The following DLC1 variants were observed in gnomAD, a reference collection of about 807,000 sequenced individuals.
DLC1 encodes the protein DLC1 Rho GTPase activating protein.
A neutral mutation model predicts 140.3 loss-of-function variants in DLC1; 54 were observed. The observed-to-expected ratio is 0.38, with a 90% confidence interval of 0.31 to 0.48. The LOEUF is 0.48. Among genes scored for constraint, DLC1 ranks in the 20% least tolerant of loss-of-function variants. The probability of loss-of-function intolerance (pLI) is 0.96; values close to 1 mark genes in which losing one functional copy is unlikely to be tolerated. For synonymous variants in DLC1, 986 were observed against 728.1 expected (o/e 1.35, Z -5.70); for missense variants, 2,536 against 1,907.0 (o/e 1.33, Z -6.14).
At chr8:13,385,239 C>G (rs1354952113) in intron 4 of DLC1, among the ~76,000 whole-genome samples, 1 of 151,988 alleles carries the variant, frequency 6.6e-6, no homozygotes, top group Non-Finnish European at 1.5e-5. Context: ...ATAGGACCTT[C>G]AAAATGAATA....
rs985999029 is a variant in DLC1, at chr8:13,258,312, T to C, written c.1348+46957A>G. Among the ~76,000 whole-genome samples, 22 of 152,334 alleles carry C rather than the reference T, an allele frequency of 1.4e-4. 2 individuals are homozygous for C. Among genetic ancestry groups the C allele is most frequent in the Admixed American group, 1.2e-3 (19 of 15,300 alleles). On this transcript the variant is annotated intron_variant, in intron 5 of 17. Transcript: ENST00000276297. ...CTTTACTCTGAATCTCTTGAAGTAA[T>C]AGATCAACAGAATACAGAGAAGTAC...
intron 5 of DLC1, among the ~76,000 whole-genome samples, chr8:13,205,382 A>G (rs760590788): frequency 3.3e-5 from 5 of 152,208 alleles, no homozygotes; most frequent in African/African-American, 9.6e-5. Context: ...GCTGATTCCT[A>G]CTTCATTCCA....
At chr8:13,514,441 C>T (rs1478646422) in intron 1 of DLC1, among the ~76,000 whole-genome samples, 161 bp downstream of exon 1, 1 of 152,180 alleles carries the variant, frequency 6.6e-6, no homozygotes, top group Non-Finnish European at 1.5e-5. Flanking sequence ...CGAATTGACT[C>T]AGAATTTTCT....
intron 1 of DLC1, chr8:13,566,786 G>A: frequency 3.0e-6 from 2 of 657,494 alleles, no homozygotes; most frequent in Non-Finnish European, 4.8e-6. Context: ...GAGCGCGGAG[G>A]AAAAGGCGGG....
intron 2 of DLC1, among the ~76,000 whole-genome samples, chr8:13,446,894 A>C (rs1013616931): frequency 6.6e-6 from 1 of 151,928 alleles, no homozygotes; most frequent in Admixed American, 6.6e-5. Flanking sequence ...GTGAGCTGAG[A>C]TCGCGCCATT....
chr8:13,443,931 A>G (rs912171007), intron 2 of DLC1, among the ~76,000 whole-genome samples: 3 of 152,212 alleles, frequency 2.0e-5, no homozygotes, highest in Non-Finnish European at 4.4e-5. Flanking sequence ...TTATTTAGGT[A>G]CACAGTTAGC....
chr8:13,344,788 AGAAT>A, intron 4 of DLC1, among the ~76,000 whole-genome samples: 1 of 152,232 alleles, frequency 6.6e-6, no homozygotes, highest in Non-Finnish European at 1.5e-5. Context: ...CTTGTGGCTC[AGAAT>A]GAAAGGAAAG....
chr8:13,393,440 C>G, intron 4 of DLC1, 113 bp downstream of exon 4: 1 of 1,199,682 alleles, frequency 8.3e-7, no homozygotes, highest in Non-Finnish European at 1.1e-6. Context: ...ATCATTAAGT[C>G]ACTATGGCTA....
intron 2 of DLC1, among the ~76,000 whole-genome samples, chr8:13,422,803 A>G (rs1221688874): frequency 2.0e-5 from 3 of 152,164 alleles, no homozygotes; most frequent in Admixed American, 6.5e-5. Context: ...CCAGCTAAAA[A>G]AAAAAAGGAA....
chr8:13,590,060 TGC>T (rs1805465242), intron 1 of DLC1, among the ~76,000 whole-genome samples: 2 of 142,200 alleles, frequency 1.4e-5, no homozygotes, highest in African/African-American at 5.2e-5. Context: ...AAACTCAACA[TGC>T]ATATATATAT....
In DLC1 at chr8:13,537,934, G is replaced by T. The variant is rs548277859; in HGVS notation, c.-125-37738C>A. ...CTCCCAAAGTTCTGGGATTACAGGC[G>T]TGAGCCACCGCACCCGGCCAGCAAC... On this transcript the variant is annotated intron_variant, in intron 1 of 1. Coordinates refer to the DLC1 transcript ENST00000631382. Among the ~76,000 whole-genome samples, 3 of 152,142 alleles carry T rather than the reference G, an allele frequency of 2.0e-5. No homozygotes were observed. In the South Asian group the frequency reaches 6.2e-4, roughly 32 times the overall value.
chr8:13,291,678 A>T (rs1437879170), intron 5 of DLC1, among the ~76,000 whole-genome samples: 1 of 152,222 alleles, frequency 6.6e-6, no homozygotes, highest in Non-Finnish European at 1.5e-5. Context: ...CATAGACAGT[A>T]ATAAATATAA....
At chr8:13,219,659 A>T (rs1211502839) in intron 5 of DLC1, among the ~76,000 whole-genome samples, 1 of 151,922 alleles carries the variant, frequency 6.6e-6, no homozygotes, top group African/African-American at 2.4e-5. Flanking sequence ...CTATATATCT[A>T]TATCTATATC....
Position 13,098,524 on chromosome 8 carries a change from G to T in DLC1, c.3042C>A (p.Asn1014Lys). ...GGCAGTTAATCTGTAGTGATACAGA[G>T]TTGAGGCTTGGCCGATGTGAGCTCT... The part of the protein sequence containing the change: ...SFQSSHRPSL[N>K]SVSLQINCQS... The change falls in exon 10 of 18, where the codon AAC (asparagine) becomes AAA (lysine). Residue 1014 changes from asparagine (N) to lysine (K), a missense_variant. Coordinates refer to ENST00000276297, the MANE Select transcript of DLC1 (RefSeq NM_182643.3). 1 of 1,614,174 alleles carries T rather than the reference G, an allele frequency of 6.2e-7. No individual in the cohort carries two copies. The highest frequency in any genetic ancestry group is 1.1e-5 in the South Asian group (1 of 91,080).
At chr8:13,552,011 A>ATG (rs1294858860) in intron 1 of DLC1, among the ~76,000 whole-genome samples, 1 of 141,270 alleles carries the variant, frequency 7.1e-6, no homozygotes, top group African/African-American at 2.6e-5. Flanking sequence ...GTGCATATAT[A>ATG]TGTGTGTGTA....
chr8:13,133,225 C>T lies in DLC1; in HGVS notation c.1349-17568G>A, dbSNP rs17553593. The T allele has an allele frequency of 5.0e-6, 7 of 1,412,326 alleles. No individual in the cohort carries two copies. The African/African-American group carries it at 8.9e-5, about 18-fold the overall frequency. 87.5% of individuals were successfully genotyped at this position (1,412,326 alleles called of 1,614,324 possible). A position where few individuals can be genotyped will look rare whatever the true frequency, so the allele number is the denominator to read the frequency against. ...AGTCCGTGAGCCGGCGCTCCTGATG[C>T]GGAGAGGTGCGGCCATGTCCTGGCT... is the stretch of plus-strand genomic sequence containing the variant. On this transcript the variant is annotated intron_variant, in intron 5 of 17. Coordinates refer to ENST00000276297, the MANE Select transcript of DLC1 (RefSeq NM_182643.3).
chr8:13,353,540 A>C (rs1834775861), intron 4 of DLC1: 2 of 152,166 alleles, frequency 1.3e-5, no homozygotes, highest in African/African-American at 4.8e-5. Flanking sequence ...TATCTGTAAA[A>C]GACTTCACTG....
chr8:13,514,710 G>T lies in DLC1; in HGVS notation c.-234C>A, dbSNP rs1802527517. 1 of 398,362 alleles carries T rather than the reference G, an allele frequency of 2.5e-6. No individual in the cohort carries two copies. The highest frequency in any genetic ancestry group is 2.1e-5 in the African/African-American group (1 of 48,636). The allele number at this position is 398,362 out of a possible 1,614,324, so 24.7% of individuals were successfully genotyped here. On this transcript the variant is annotated 5_prime_UTR_variant, in exon 1 of 18. Coordinates refer to ENST00000276297, the MANE Select transcript of DLC1 (RefSeq NM_182643.3). Reference sequence around the variant, plus strand: ...CCAAAATCTAAGTTCCCATTTCGTGGTTGAGATCATGGCTCTATTCTGAGC... The same window carrying T: ...CCAAAATCTAAGTTCCCATTTCGTGTTTGAGATCATGGCTCTATTCTGAGC...
At chr8:13,571,721 C>G (rs1025504976) in intron 1 of DLC1, among the ~76,000 whole-genome samples, 2 of 152,170 alleles carry the variant, frequency 1.3e-5, no homozygotes, top group East Asian at 3.9e-4. Flanking sequence ...TGGGTCCATA[C>G]TTAGAAGTAG....
Sources: gnomAD v4.1 joint callset for allele counts (sites outside exome capture counted in the v4.1 genomes callset) on GRCh38, gnomAD v4.1.1 for gene constraint, MANE v1.5 for transcripts, NCBI Gene and HGNC (gene_info 2026-07-23, HGNC 2026-07-21) for gene names.